The following ARIH1 variants were observed in gnomAD, a reference collection of about 807,000 sequenced individuals.
ARIH1 encodes the protein ariadne RBR E3 ubiquitin protein ligase 1, also known as E3 ubiquitin-protein ligase ARIH1.
In ARIH1, 8 loss-of-function variants were observed where a neutral mutation model predicts 85.0. The ratio of observed to expected loss-of-function variants is 0.09; its 90% CI spans 0.06 to 0.17. The LOEUF (loss-of-function observed/expected upper bound fraction) is 0.17, where lower values mean the gene tolerates loss of function less well. Among genes scored for constraint, ARIH1 ranks in the 10% least tolerant of loss-of-function variants. The pLI is 1.00. For synonymous variants in ARIH1, 238 were observed against 253.6 expected, an observed-to-expected ratio of 0.94 and a Z score of 0.59; for missense variants, 311 against 718.1, an observed-to-expected ratio of 0.43 and a Z score of 6.48.
At chr15:72,532,729 T>G (rs1333009230) in intron 2 of ARIH1, among the ~76,000 whole-genome samples, 1 of 152,136 alleles carries the variant, frequency 6.6e-6, no homozygotes, top group East Asian at 1.9e-4. Context: ...CAGCAATACA[T>G]ATATAAAAAG....
chr15:72,490,768 T>A (rs2063855944), intron 1 of ARIH1, among the ~76,000 whole-genome samples: 1 of 152,012 alleles, frequency 6.6e-6, no homozygotes, highest in South Asian at 2.1e-4. Flanking sequence ...CATAGGAAAC[T>A]TAAAAGGAAC....
intron 2 of ARIH1, among the ~76,000 whole-genome samples, chr15:72,529,664 A>G (rs2064047067): frequency 6.6e-6 from 1 of 152,156 alleles, no homozygotes; most frequent in African/African-American, 2.4e-5. Context: ...TTTTTGACCT[A>G]GGTGGGAAAG....
intron 1 of ARIH1, among the ~76,000 whole-genome samples, chr15:72,501,393 A>G (rs1191886849): frequency 1.3e-5 from 2 of 152,224 alleles, no homozygotes; most frequent in South Asian, 4.1e-4. Flanking sequence ...GTATATACAA[A>G]TATATAGTAT....
intron 1 of ARIH1, among the ~76,000 whole-genome samples, chr15:72,483,325 T>C (rs1358024621): frequency 6.6e-6 from 1 of 152,250 alleles, no homozygotes; most frequent in Admixed American, 6.5e-5. Flanking sequence ...GTAGCTTGTT[T>C]CCTCCAGAGT....
At chr15:72,496,419 A>G (rs1433601459) in intron 1 of ARIH1, among the ~76,000 whole-genome samples, 1 of 152,202 alleles carries the variant, frequency 6.6e-6, no homozygotes. Context: ...CCTGCTTGCA[A>G]TAATTGCCAT....
chr15:72,581,604 C>T (rs543285191), intron 12 of ARIH1: 5 of 158,646 alleles, frequency 3.2e-5, no homozygotes, highest in African/African-American at 1.2e-4. Context: ...ATAAGACTGA[C>T]TAGCAGATGG....
intron 1 of ARIH1, among the ~76,000 whole-genome samples, chr15:72,490,370 A>G (rs1222253194): frequency 2.0e-5 from 3 of 152,168 alleles, no homozygotes; most frequent in Non-Finnish European, 4.4e-5. Flanking sequence ...GCGAGCAGCC[A>G]GGGAGCGTTA....
chr15:72,474,504 A>C lies in ARIH1; in HGVS notation c.-136A>C. The C allele has an allele frequency of 8.6e-7, 1 of 1,160,830 alleles. No homozygotes were observed. Among genetic ancestry groups the C allele is most frequent in the Non-Finnish European group, 1.1e-6 (1 of 870,840 alleles). The allele number at this position is 1,160,830 out of a possible 1,614,324, so 71.9% of individuals were successfully genotyped here. A position where few individuals can be genotyped will look rare whatever the true frequency, so the allele number is the denominator to read the frequency against. On this transcript the variant is annotated 5_prime_UTR_variant, in exon 1 of 14. Transcript: ENST00000379887. Reference sequence around the variant, plus strand: ...CAAACGCCAACCGCCGCTCCTGGGGAGGAGCCGCGGCTCGCGGGGCCGGAG... The same window carrying C: ...CAAACGCCAACCGCCGCTCCTGGGGCGGAGCCGCGGCTCGCGGGGCCGGAG...
At chr15:72,486,937 C>T (rs374340061) in intron 1 of ARIH1, among the ~76,000 whole-genome samples, 4 of 151,712 alleles carry the variant, frequency 2.6e-5, no homozygotes, top group Non-Finnish European at 4.4e-5. Flanking sequence ...TCAGGTGATC[C>T]GCCCTCCTCA....
chr15:72,519,216 A>ATT (rs1002450470), intron 2 of ARIH1, among the ~76,000 whole-genome samples: 9 of 152,196 alleles, frequency 5.9e-5, no homozygotes, highest in Admixed American at 5.9e-4. Flanking sequence ...AATGGAAAGT[A>ATT]TTTCCCATTT....
chr15:72,566,705 G>C, intron 8 of ARIH1, 100 bp downstream of exon 8: 1 of 862,020 alleles, frequency 1.2e-6, no homozygotes, highest in Admixed American at 3.3e-5. Flanking sequence ...TCTATTGATA[G>C]ATTTTTTTTT....
chr15:72,506,031 G>T (rs1223226809), intron 1 of ARIH1, among the ~76,000 whole-genome samples: 1 of 151,526 alleles, frequency 6.6e-6, no homozygotes, highest in Non-Finnish European at 1.5e-5. Flanking sequence ...ACTGTGCCCA[G>T]CCAATAGTAT....
chr15:72,517,276 A>G (rs1567344525), intron 1 of ARIH1, among the ~76,000 whole-genome samples: 1 of 151,996 alleles, frequency 6.6e-6, no homozygotes, highest in Non-Finnish European at 1.5e-5. Context: ...GTATTAAATT[A>G]TTTTTTTAAA....
rs966481913 is a variant in ARIH1, at chr15:72,564,566, A to G, written c.911+1066A>G. 1.3e-5 allele frequency among the ~76,000 whole-genome samples: 2 copies of G among 152,150 alleles called. 1 individual carries two copies. The highest frequency in any genetic ancestry group is 1.3e-4 in the Admixed American group (2 of 15,282). On this transcript the variant is annotated intron_variant, in intron 7 of 13. Transcript: ENST00000379887. ...CTCTTCCAGCCTCTACTTACTACCT[A>G]GTTTCAAATCGGCTTTCACATTTTT...
In ARIH1 at chr15:72,598,585, G is replaced by A. The variant is rs994231962; in HGVS notation, c.*15293G>A. 2 of 151,504 alleles carry A rather than the reference G, an allele frequency of 1.3e-5. No homozygotes were observed. Among genetic ancestry groups the A allele is most frequent in the African/African-American group, 4.9e-5 (2 of 41,190 alleles). 9.4% of individuals were successfully genotyped at this position (151,504 alleles called of 1,614,324 possible). A position where few individuals can be genotyped will look rare whatever the true frequency, so the allele number is the denominator to read the frequency against. On this transcript the variant is annotated 3_prime_UTR_variant, in exon 14 of 14. Coordinates refer to ENST00000379887, the MANE Select transcript of ARIH1 (RefSeq NM_005744.5). ...TAAAATTAGCCAGGTGTGGTGGTGG[G>A]CGCCTGTAATCCCAGCTACTTGAGA...
chr15:72,510,286 T>TTC (rs2063944435), intron 1 of ARIH1, among the ~76,000 whole-genome samples: 1 of 152,188 alleles, frequency 6.6e-6, no homozygotes, highest in South Asian at 2.1e-4. Flanking sequence ...ATCTTTTACT[T>TTC]TCGATGGATT....
intron 2 of ARIH1, among the ~76,000 whole-genome samples, chr15:72,534,847 C>T (rs2064073979): frequency 6.6e-6 from 1 of 151,884 alleles, no homozygotes. Context: ...TAGCTTTGTA[C>T]AGAATCAGAG....
At position 72,525,600 on chromosome 15, in the gene ARIH1, A is replaced by T. The variant is rs141070576; in HGVS notation, c.443+7466A>T. Reference sequence around the variant, plus strand: ...AAGGAAGATAAATTATATGTAAAGTATATAATCTAGGAAACCCAGAAGAAT... The same window carrying T: ...AAGGAAGATAAATTATATGTAAAGTTTATAATCTAGGAAACCCAGAAGAAT... On this transcript the variant is annotated intron_variant, in intron 2 of 13. Coordinates refer to ENST00000379887, the MANE Select transcript of ARIH1 (RefSeq NM_005744.5). 4.6e-3 allele frequency among the ~76,000 whole-genome samples: 701 copies of T among 152,354 alleles called. 3 individuals carry two copies. Among genetic ancestry groups the T allele is most frequent in the Admixed American group, 9.1e-3 (140 of 15,302 alleles).
chr15:72,508,982 CTGTG>C, intron 1 of ARIH1, among the ~76,000 whole-genome samples: 1 of 150,734 alleles, frequency 6.6e-6, no homozygotes, highest in African/African-American at 2.4e-5. Flanking sequence ...GTGTGAGCCA[CTGTG>C]CCTGGCCCTT....
Sources: gnomAD v4.1 joint callset for allele counts (sites outside exome capture counted in the v4.1 genomes callset) on GRCh38, gnomAD v4.1.1 for gene constraint, MANE v1.5 for transcripts, NCBI Gene and HGNC (gene_info 2026-07-23, HGNC 2026-07-21) for gene names.